SF3B3: variants seen among roughly 807,000 people sequenced by gnomAD.
SF3B3 encodes SAP 130.
A neutral mutation model predicts 139.2 loss-of-function variants in SF3B3; 33 were observed. That is an observed-to-expected ratio of 0.24 (90% CI 0.18 to 0.32). The LOEUF (loss-of-function observed/expected upper bound fraction) is 0.32. SF3B3 is among the 10% of genes least tolerant of loss of function. The probability of loss-of-function intolerance (pLI) is 1.00; values close to 1 mark genes in which losing one functional copy is unlikely to be tolerated. For missense variants in SF3B3, 818 were observed against 1,509.4 expected (o/e 0.54, Z 7.59); for synonymous variants, 596 against 563.6 (o/e 1.06, Z -0.81).
At chr16:70,571,525 A>G (rs2050529124) in intron 25 of SF3B3, 148 bp from the exon 26 acceptor site, 3 of 820,280 alleles carry the variant, frequency 3.7e-6, no homozygotes, top group Non-Finnish European at 5.6e-6. Context: ...AGATTATCCC[A>G]CTGCACTGCA....
chr16:70,560,375 C>T lies in SF3B3; in HGVS notation c.2011-94C>T, dbSNP rs896999547. 2.6e-5 allele frequency: 34 copies of T among 1,328,362 alleles called. No individual in the cohort carries two copies. The African/African-American group carries it at 4.9e-4, about 19-fold the overall frequency. 82.3% of individuals were successfully genotyped at this position (1,328,362 alleles called of 1,614,324 possible). ...CCCAAGTCATTTCTTTCTATCTGCT[C>T]TAATTTCTTATGTGAAGTACCCAAG... On this transcript the variant is annotated intron_variant, in intron 15 of 25. Transcript: ENST00000302516.
intron 15 of SF3B3, among the ~76,000 whole-genome samples, chr16:70,559,892 T>C (rs1300398477): frequency 1.3e-5 from 2 of 148,982 alleles, no homozygotes; most frequent in Non-Finnish European, 3.0e-5. Context: ...GTGAGCCACC[T>C]CACCTGGCTT....
At chr16:70,544,398 C>A in intron 9 of SF3B3, 40 bp from the exon 10 acceptor site, 1 of 1,161,978 alleles carries the variant, frequency 8.6e-7, no homozygotes, top group Non-Finnish European at 1.3e-6. Flanking sequence ...TTGAAAACAG[C>A]ACTGGAGACA....
chr16:70,536,464 C>T (rs8058032), intron 6 of SF3B3, among the ~76,000 whole-genome samples: 4,822 of 152,048 alleles, frequency 0.032, 288 homozygotes, highest in African/African-American at 0.11. Flanking sequence ...CCCGGGTTCA[C>T]GCCATTTCTC....
chr16:70,549,467 T>C (rs181372232), intron 11 of SF3B3, among the ~76,000 whole-genome samples: 4 of 152,330 alleles, frequency 2.6e-5, no homozygotes, highest in African/African-American at 7.2e-5. Flanking sequence ...AGTATCTACA[T>C]AGAAGTTGGT....
chr16:70,574,617 C>G lies in SF3B3; in HGVS notation c.*2804C>G, dbSNP rs1163087444. The G allele has an allele frequency of 6.6e-6, 1 of 152,254 alleles. No individual in the cohort carries two copies. The highest frequency in any genetic ancestry group is 1.5e-5 in the Non-Finnish European group (1 of 68,074). 9.4% of individuals were successfully genotyped at this position (152,254 alleles called of 1,614,324 possible). On this transcript the variant is annotated 3_prime_UTR_variant, in exon 26 of 26. Coordinates refer to ENST00000302516, the MANE Select transcript of SF3B3 (RefSeq NM_012426.5). ...GAGCTCAAGCGATCCTCCTTAGCTT[C>G]CCAAATAGCTGGAACTACAGGCATG... is the stretch of plus-strand genomic sequence containing the variant.
chr16:70,565,188 G>A lies in SF3B3; in HGVS notation c.2587G>A (p.Ala863Thr). 1 of 1,614,192 alleles carries A rather than the reference G, an allele frequency of 6.2e-7. No individual in the cohort carries two copies. Residue 863 changes from alanine (A) to threonine (T), a missense_variant, in exon 19 of 26, where the codon GCC (alanine) becomes ACC (threonine). Physicochemically the swap from Ala to Thr is moderately conservative, Grantham distance 58. Coordinates refer to ENST00000302516, the MANE Select transcript of SF3B3 (RefSeq NM_012426.5). ...GAPKAGNGQW[A>T]SVIRVMNPIQ... ...TCCCAAGGCTGGCAATGGGCAGTGG[G>A]CCTCTGTGATCCGAGTGATGAATCC...
Position 70,541,719 on chromosome 16 carries a change from T to G in SF3B3, c.1118T>G (p.Phe373Cys). 1 of 1,613,996 alleles carries G rather than the reference T, an allele frequency of 6.2e-7. No individual in the cohort carries two copies. The highest frequency in any genetic ancestry group is 8.5e-7 in the Non-Finnish European group (1 of 1,179,858). The change falls in exon 9 of 26, where the codon TTT (phenylalanine) becomes TGT (cysteine). Residue 373 changes from phenylalanine (F) to cysteine (C), a missense_variant. Around this residue, in one of 14 missense-constraint regions of SF3B3, gnomAD observed 80 missense variants for 206.5 expected, o/e 0.39. Transcript: ENST00000302516. ...HLGDDDEEPE[F>C]SSAMPLEEGD... is the part of the protein sequence containing the mutation. ...GGAGATGATGATGAAGAACCTGAGTTTTCATCAGCCATGCCTCTGGAAGAA... is the reference window on the plus strand; with the variant it reads ...GGAGATGATGATGAAGAACCTGAGTGTTCATCAGCCATGCCTCTGGAAGAA...
At chr16:70,558,247 C>T (rs143798828) in intron 15 of SF3B3, among the ~76,000 whole-genome samples, 255 of 148,502 alleles carry the variant, frequency 1.7e-3, no homozygotes, top group African/African-American at 5.7e-3. Flanking sequence ...CTAGTAGCCA[C>T]GAACAGGAAA....
chr16:70,560,419 T>C, intron 15 of SF3B3, 50 bp from the exon 16 acceptor site: 1 of 1,599,298 alleles, frequency 6.3e-7, no homozygotes, highest in East Asian at 2.3e-5. Flanking sequence ...TTTCCCATCA[T>C]AGCTGATAAG....
intron 3 of SF3B3, among the ~76,000 whole-genome samples, chr16:70,529,850 C>T (rs1316364273): frequency 6.6e-6 from 1 of 151,834 alleles, no homozygotes; most frequent in Non-Finnish European, 1.5e-5. Flanking sequence ...GATGGGGTCT[C>T]AGCCAGGTGC....
intron 10 of SF3B3, among the ~76,000 whole-genome samples, chr16:70,545,004 T>G (rs1398476945): frequency 6.6e-6 from 1 of 152,246 alleles, no homozygotes; most frequent in Non-Finnish European, 1.5e-5. Flanking sequence ...ATATATATTT[T>G]TGTATCTTAT....
chr16:70,542,113 G>T (rs552838365), intron 9 of SF3B3, among the ~76,000 whole-genome samples: 3 of 152,172 alleles, frequency 2.0e-5, no homozygotes, highest in Non-Finnish European at 4.4e-5. Flanking sequence ...AGTCCTCCCC[G>T]TAATCTTCTC....
intron 12 of SF3B3, 47 bp from the exon 13 acceptor site, chr16:70,555,004 A>G: frequency 6.3e-7 from 1 of 1,582,114 alleles, no homozygotes. Context: ...ATTCTGAGTG[A>G]TGAATCAAAT....
chr16:70,556,485 G>T (rs1412755584), intron 14 of SF3B3, 151 bp downstream of exon 14: 3 of 797,154 alleles, frequency 3.8e-6, no homozygotes, highest in Non-Finnish European at 6.2e-6. Flanking sequence ...TCTTGTCATT[G>T]CAGTGTGTTT....
chr16:70,559,406 G>T (rs992550207), intron 15 of SF3B3, among the ~76,000 whole-genome samples: 1 of 152,110 alleles, frequency 6.6e-6, no homozygotes, highest in African/African-American at 2.4e-5. Flanking sequence ...AGTAACATTG[G>T]TCAGGTGCTG....
chr16:70,570,987 T>G (rs967349182), intron 24 of SF3B3, 108 bp from the exon 25 acceptor site: 1 of 764,908 alleles, frequency 1.3e-6, no homozygotes, highest in Non-Finnish European at 2.3e-6. Flanking sequence ...ATATTTCCCG[T>G]GTGTTTGTGT....
Position 70,556,878 on chromosome 16 carries a change from CCT to C in SF3B3, c.1867-4_1867-3del. 2 of 1,613,722 alleles carry C rather than the reference CCT, an allele frequency of 1.2e-6. No individual in the cohort carries two copies. The highest frequency in any genetic ancestry group is 8.5e-7 in the Non-Finnish European group (1 of 1,179,866). ...TCTGTGTTTTTATGATTTTTCTCTCCCTCTCAGGACTGTTTGCAACCTCTAAG... is the reference window on the plus strand; with the variant it reads ...TCTGTGTTTTTATGATTTTTCTCTCCCTCAGGACTGTTTGCAACCTCTAAG... On this transcript the variant is annotated splice_region_variant and splice_polypyrimidine_tract_variant and intron_variant, in intron 14 of 25. Transcript: ENST00000302516.
chr16:70,556,385 T>G lies in SF3B3; in HGVS notation c.1866+51T>G, dbSNP rs374912028. 6.6e-5 allele frequency: 105 copies of G among 1,589,290 alleles called. No individual in the cohort carries two copies. The African/African-American group carries it at 1.3e-3, about 20-fold the overall frequency. ...ATCATCTGGTTGGAACCTGAGCATCTGGCTCCTGATGTCTATCTCTGAGAT... is the reference window on the plus strand; with the variant it reads ...ATCATCTGGTTGGAACCTGAGCATCGGGCTCCTGATGTCTATCTCTGAGAT... On this transcript the variant is annotated intron_variant, in intron 14 of 25. Transcript: ENST00000302516.
Sources: gnomAD v4.1 joint callset for allele counts (sites outside exome capture counted in the v4.1 genomes callset) on GRCh38, gnomAD v4.1.1 for gene constraint, gnomAD v4.1.1 regional missense constraint, MANE v1.5 for transcripts, NCBI Gene and HGNC (gene_info 2026-07-23, HGNC 2026-07-21) for gene names.